FAT1: variants seen among roughly 807,000 people sequenced by gnomAD.
FAT1 encodes the protein protocadherin Fat 1.
Under a neutral mutation model 329.8 loss-of-function variants are expected in FAT1, and 171 were observed. The observed-to-expected ratio is 0.52, with a 90% CI of 0.46 to 0.59. FAT1 has a LOEUF of 0.59. FAT1 is among the 20% of genes least tolerant of loss of function. FAT1 has a pLI of 0.00. For missense variants in FAT1, 5,672 were observed against 5,774.4 expected, an observed-to-expected ratio of 0.98 and a Z score of 0.57; for synonymous variants, 2,233 against 2,228.6, an observed-to-expected ratio of 1.00 and a Z score of -0.06.
intron 1 of FAT1, among the ~76,000 whole-genome samples, chr4:186,717,742 T>C (rs1426757033): frequency 6.6e-6 from 1 of 152,220 alleles, no homozygotes; most frequent in Non-Finnish European, 1.5e-5. Context: ...TGTTCTGTGC[T>C]CCTGGGAACG....
At chr4:186,674,863 G>A (rs992607236) in intron 2 of FAT1, among the ~76,000 whole-genome samples, 14 of 151,926 alleles carry the variant, frequency 9.2e-5, no homozygotes, top group African/African-American at 2.7e-4. Flanking sequence ...GCGAAACCTC[G>A]TCTTTACAAA....
chr4:186,640,436 A>G (rs949025396), intron 3 of FAT1, among the ~76,000 whole-genome samples: 11 of 152,328 alleles, frequency 7.2e-5, no homozygotes, highest in African/African-American at 2.6e-4. Flanking sequence ...AATCTCATCC[A>G]TCTCCTTTAA....
intron 2 of FAT1, among the ~76,000 whole-genome samples, chr4:186,683,837 G>T (rs1482739591): frequency 2.0e-5 from 3 of 152,066 alleles, no homozygotes; most frequent in Admixed American, 6.6e-5. Flanking sequence ...AGATCCCTAT[G>T]AAAAATGTAA....
At chr4:186,595,960 C>T in intron 25 of FAT1, 134 bp from the exon 26 acceptor site, 2 of 903,076 alleles carry the variant, frequency 2.2e-6, no homozygotes, top group Non-Finnish European at 3.3e-6. Context: ...GAAAGAAAAA[C>T]AGAAACACCT....
At position 186,683,461 on chromosome 4, in the gene FAT1, C is replaced by T. The variant is rs971572565; in HGVS notation, c.3266-19848G>A. On this transcript the variant is annotated intron_variant, in intron 2 of 26. Coordinates refer to ENST00000441802, the MANE Select transcript of FAT1 (RefSeq NM_005245.4). ...TGGCATTCTAGAGGCGGTCAATAAA[C>T]GTCAACTACCAGATGAATGAATGCA... is the stretch of plus-strand genomic sequence containing the variant. Among the ~76,000 whole-genome samples, 10 of 152,162 alleles carry T rather than the reference C, an allele frequency of 6.6e-5. No individual in the cohort carries two copies. In the South Asian group the frequency reaches 1.0e-3, roughly 16 times the overall value.
intron 6 of FAT1, among the ~76,000 whole-genome samples, chr4:186,635,357 C>T (rs140582418): frequency 2.6e-4 from 40 of 152,110 alleles, no homozygotes; most frequent in African/African-American, 9.4e-4. Flanking sequence ...TTAAAAAATA[C>T]GTTGAATAGG....
intron 2 of FAT1, among the ~76,000 whole-genome samples, chr4:186,698,343 C>T (rs565287713): frequency 9.2e-5 from 14 of 152,294 alleles, no homozygotes; most frequent in Admixed American, 2.0e-4. Flanking sequence ...GGAGACCCCA[C>T]GATGGCTTAC....
rs2126469598 is a variant in FAT1 at position 186,611,688 on chromosome 4, T to C, written c.9551A>G (p.Glu3184Gly). Residue 3184 changes from glutamate to glycine, a missense_variant, in exon 14 of 27, where the codon GAA becomes GGA. Transcript: ENST00000441802. ...INELSGIIQLEKPLDRELQAV... is the reference protein window; with the variant it reads ...INELSGIIQLGKPLDRELQAV... ...CTGGAGTTCTCTGTCCAAAGGTTTT[T>C]CTAACTGAATAATTCCAGATAATTC... 2 of 1,606,860 alleles carry C rather than the reference T, an allele frequency of 1.2e-6. No homozygotes were observed. Among genetic ancestry groups the C allele is most frequent in the Non-Finnish European group, 1.7e-6 (2 of 1,176,088 alleles).
intron 2 of FAT1, among the ~76,000 whole-genome samples, chr4:186,689,774 G>A (rs1320419723): frequency 1.3e-5 from 2 of 152,072 alleles, no homozygotes; most frequent in East Asian, 1.9e-4. Flanking sequence ...TTCCCACAAG[G>A]GCATGCACAC....
rs549887989 is a variant in FAT1, at chr4:186,694,454, G to C, written c.3265+12109C>G. On this transcript the variant is annotated intron_variant, in intron 2 of 26. Transcript: ENST00000441802. ...TAGAATCAGAGTTCCTAAGTAGCAA[G>C]AAGAGTTGACAAAGAACAAATGAGT... 2.7e-4 allele frequency among the ~76,000 whole-genome samples: 41 copies of C among 152,316 alleles called. 1 individual carries two copies. The Middle Eastern group carries it at 0.024, about 88-fold the overall frequency.
At chr4:186,597,478 T>A (rs1300601515) in intron 24 of FAT1, among the ~76,000 whole-genome samples, 3 of 152,132 alleles carry the variant, frequency 2.0e-5, no homozygotes, top group Non-Finnish European at 2.9e-5. Flanking sequence ...ACATTAGTTT[T>A]TTTCAAGTAT....
chr4:186,639,703 A>T lies in FAT1; in HGVS notation c.3642+19T>A, dbSNP rs2126570962. On this transcript the variant is annotated intron_variant, in intron 4 of 26. Coordinates refer to ENST00000441802, the MANE Select transcript of FAT1 (RefSeq NM_005245.4). ...GTAACTACGAATCTTTAAGTATTAA[A>T]GATAAAAAAAAAACTTACCTCTAAT... 1 of 1,569,224 alleles carries T rather than the reference A, an allele frequency of 6.4e-7. No homozygotes were observed. The highest frequency in any genetic ancestry group is 8.7e-7 in the Non-Finnish European group (1 of 1,147,720).
intron 3 of FAT1, among the ~76,000 whole-genome samples, chr4:186,662,647 G>C (rs1227514710): frequency 6.6e-6 from 1 of 152,104 alleles, no homozygotes; most frequent in Non-Finnish European, 1.5e-5. Context: ...TTTACAAAAA[G>C]CCGACTTAGG....
rs1744658142 is a variant in FAT1, at chr4:186,707,070, C to T, written c.2758G>A (p.Val920Ile). 1 of 1,613,996 alleles carries T rather than the reference C, an allele frequency of 6.2e-7. No individual in the cohort carries two copies. Among genetic ancestry groups the T allele is most frequent in the African/African-American group, 1.3e-5 (1 of 75,020 alleles). ...ATAAATGTAGGTGGGTTGTCATTAA[C>T]ATCTTCTAGTGATACTTTCACAACG... ...TVVVKVSLED[V>I]NDNPPTFIPP... The change falls in exon 2 of 27, where the codon GTT becomes ATT. Residue 920 changes from valine to isoleucine, a missense_variant. Physicochemically the swap from Val to Ile is conservative, Grantham distance 29. Coordinates refer to ENST00000441802, the MANE Select transcript of FAT1 (RefSeq NM_005245.4).
intron 3 of FAT1, among the ~76,000 whole-genome samples, chr4:186,645,463 T>TATATACAC (rs1254548007): frequency 3.8e-5 from 5 of 130,236 alleles, no homozygotes; most frequent in African/African-American, 1.4e-4. Flanking sequence ...TGTATATGTG[T>TATATACAC]ATATCTTCAC....
intron 3 of FAT1, among the ~76,000 whole-genome samples, chr4:186,656,730 C>G (rs1560970788): frequency 6.6e-6 from 1 of 152,156 alleles, no homozygotes; most frequent in Non-Finnish European, 1.5e-5. Context: ...TGTATTTCCA[C>G]AAACTCCAGA....
intron 9 of FAT1, among the ~76,000 whole-genome samples, chr4:186,625,362 A>G (rs892096996): frequency 4.0e-5 from 6 of 151,356 alleles, no homozygotes; most frequent in Non-Finnish European, 8.8e-5. Context: ...CAGGCAGTGT[A>G]TGAGATCTTA....
In FAT1 at chr4:186,644,278, C is replaced by CA. The variant is rs1448906830; in HGVS notation, c.3581-4496dup. Among the ~76,000 whole-genome samples, 8 of 152,160 alleles carry CA rather than the reference C, an allele frequency of 5.3e-5. 1 individual carries two copies. The South Asian group carries it at 1.0e-3, about 20-fold the overall frequency. On this transcript the variant is annotated intron_variant, in intron 3 of 26. Coordinates refer to ENST00000441802, the MANE Select transcript of FAT1 (RefSeq NM_005245.4). ...CTCATCATTAGTCATTTAATAGATC[C>CA]AAAAAAGCAAGTTAGGAGATAAAAG... is the stretch of plus-strand genomic sequence containing the variant.
chr4:186,614,072 T>G, intron 12 of FAT1, 119 bp downstream of exon 12: 1 of 802,136 alleles, frequency 1.2e-6, no homozygotes, highest in Admixed American at 2.9e-5. Context: ...CTTCGGAGCA[T>G]CAGAATACAT....
Sources: gnomAD v4.1 joint callset for allele counts (sites outside exome capture counted in the v4.1 genomes callset) on GRCh38, gnomAD v4.1.1 for gene constraint, MANE v1.5 for transcripts, NCBI Gene and HGNC (gene_info 2026-07-23, HGNC 2026-07-21) for gene names.